CRBN: variants seen among roughly 807,000 people sequenced by gnomAD.
CRBN encodes protein cereblon.
Under a neutral mutation model 62.2 loss-of-function variants are expected in CRBN, and 53 were observed. The observed-to-expected ratio is 0.85, with a 90% CI of 0.68 to 1.07. CRBN has a LOEUF of 1.07. Among genes scored for constraint, CRBN ranks in the 50% least tolerant of loss-of-function variants. CRBN has a pLI of 0.00. For synonymous variants in CRBN, 208 were observed against 176.1 expected, an observed-to-expected ratio of 1.18 and a Z score of -1.43; for missense variants, 616 against 531.1, an observed-to-expected ratio of 1.16 and a Z score of -1.57.
At chr3:3,154,679 A>T (rs780007722) in intron 7 of CRBN, 68 bp downstream of exon 7, 2 of 830,536 alleles carry the variant, frequency 2.4e-6, no homozygotes, top group Non-Finnish European at 4.3e-6. Flanking sequence ...ATTGGATCGC[A>T]TCCATGAAAA....
At chr3:3,164,377 T>G (rs1345710327) in intron 5 of CRBN, among the ~76,000 whole-genome samples, 1 of 152,192 alleles carries the variant, frequency 6.6e-6, no homozygotes, top group Non-Finnish European at 1.5e-5. Context: ...ATTACTGATA[T>G]GGAGAAAGTT....
intron 4 of CRBN, among the ~76,000 whole-genome samples, chr3:3,168,234 A>T (rs1707431580): frequency 6.6e-6 from 1 of 151,874 alleles, no homozygotes; most frequent in Non-Finnish European, 1.5e-5. Flanking sequence ...CATCTAATCT[A>T]AGTAGAGAAA....
chr3:3,160,902 A>G (rs898125391), intron 5 of CRBN, among the ~76,000 whole-genome samples: 2 of 152,240 alleles, frequency 1.3e-5, no homozygotes, highest in African/African-American at 4.8e-5. Context: ...AATATGGACT[A>G]TTCAAAAAGT....
chr3:3,165,837 G>GCT (rs1707306973), intron 5 of CRBN, among the ~76,000 whole-genome samples: 2 of 152,040 alleles, frequency 1.3e-5, no homozygotes, highest in South Asian at 4.2e-4. Context: ...TGACACATAG[G>GCT]GAACAACTTG....
In CRBN at chr3:3,152,449, A is replaced by T. The variant is rs943397070; in HGVS notation, c.1148+7T>A. Reference sequence around the variant, plus strand: ...AAAAAAAAAAGCAACCACCACCATAATATTACCCAGGAAACCAGCTGTGTT... The same window carrying T: ...AAAAAAAAAAGCAACCACCACCATATTATTACCCAGGAAACCAGCTGTGTT... On this transcript the variant is annotated splice_region_variant and intron_variant, in intron 10 of 10. Transcript: ENST00000231948. 8.7e-6 allele frequency: 14 copies of T among 1,613,630 alleles called. No individual in the cohort carries two copies. Among genetic ancestry groups the T allele is most frequent in the Middle Eastern group, 1.6e-4 (1 of 6,082 alleles).
chr3:3,175,365 A>G, intron 1 of CRBN, 96 bp from the exon 2 acceptor site: 1 of 908,640 alleles, frequency 1.1e-6, no homozygotes, highest in East Asian at 2.5e-5. Flanking sequence ...TTCTAAAACC[A>G]CATGCATTTG....
intron 10 of CRBN, among the ~76,000 whole-genome samples, chr3:3,151,312 T>C (rs1706532980): frequency 6.6e-6 from 1 of 152,212 alleles, no homozygotes; most frequent in East Asian, 1.9e-4. Flanking sequence ...TAAGAATTTC[T>C]TTATAGAAAT....
In CRBN at chr3:3,173,947, T is replaced by C. The variant is rs147639480; in HGVS notation, c.377+112A>G. 32 of 926,292 alleles carry C rather than the reference T, an allele frequency of 3.5e-5. No homozygotes were observed. In the African/African-American group the frequency reaches 3.7e-4, roughly 11 times the overall value. The allele number at this position is 926,292 out of a possible 1,614,324, so 57.4% of individuals were successfully genotyped here. A position where few individuals can be genotyped will look rare whatever the true frequency, so the allele number is the denominator to read the frequency against. On this transcript the variant is annotated intron_variant, in intron 3 of 10. Coordinates refer to ENST00000231948, the MANE Select transcript of CRBN (RefSeq NM_016302.4). ...AACCAAATTCCTAACCTCACATTCT[T>C]ACCCAACCTCTCCTGTACATGCGAA...
At chr3:3,162,568 A>T (rs973525341) in intron 5 of CRBN, among the ~76,000 whole-genome samples, 1 of 152,236 alleles carries the variant, frequency 6.6e-6, no homozygotes, top group African/African-American at 2.4e-5. Context: ...TAGATAACAC[A>T]GAACACTTCC....
chr3:3,176,150 C>T (rs1044376430), intron 1 of CRBN, among the ~76,000 whole-genome samples: 5 of 152,074 alleles, frequency 3.3e-5, no homozygotes, highest in African/African-American at 1.2e-4. Flanking sequence ...ATTTAAAATT[C>T]TTCTATATGG....
At position 3,150,842 on chromosome 3, in the gene CRBN, A is replaced by AACTG. The variant is rs777312867; in HGVS notation, c.*22_*23insCAGT. The AACTG allele has an allele frequency of 2.2e-5, 36 of 1,606,200 alleles. No individual in the cohort carries two copies. The highest frequency in any genetic ancestry group is 3.0e-5 in the Non-Finnish European group (35 of 1,174,064). ...TTAGAATATAACCAATTTGTTAGAT[A>AACTG]ACTTTATCTCTATCACATCTGTTTA... On this transcript the variant is annotated 3_prime_UTR_variant, in exon 11 of 11. Coordinates refer to ENST00000231948, the MANE Select transcript of CRBN (RefSeq NM_016302.4).
At chr3:3,157,317 TCA>T (rs992665093) in intron 5 of CRBN, among the ~76,000 whole-genome samples, 1 of 152,224 alleles carries the variant, frequency 6.6e-6, no homozygotes. Context: ...TAAAGAATTA[TCA>T]CATTTTTCTC....
At position 3,152,496 on chromosome 3, in the gene CRBN, G is replaced by C. The variant is rs936055106; in HGVS notation, c.1108C>G (p.Leu370Val). 1 of 1,613,874 alleles carries C rather than the reference G, an allele frequency of 6.2e-7. No individual in the cohort carries two copies. The highest frequency in any genetic ancestry group is 8.5e-7 in the Non-Finnish European group (1 of 1,179,978). ...LTVYKACNLN[L>V]IGRPSTEHSW... ...TGTTCTGTAGAAGGCCGGCCTATCA[G>C]ATTCAAGTTGCAAGCCTTATACACA... The change falls in exon 10 of 11, where the codon CTG (leucine) becomes GTG (valine). Residue 370 changes from leucine to valine, a missense_variant. Physicochemically the swap from Leu to Val is conservative, Grantham distance 32. Transcript: ENST00000231948.
intron 5 of CRBN, among the ~76,000 whole-genome samples, chr3:3,163,063 T>C (rs1263147563): frequency 6.6e-6 from 1 of 152,224 alleles, no homozygotes; most frequent in Admixed American, 6.5e-5. Flanking sequence ...TCCTTTTTGA[T>C]GCACACAGAA....
chr3:3,167,757 A>T lies in CRBN; in HGVS notation c.564T>A (p.Cys188Ter). 6.2e-7 allele frequency: 1 copy of T among 1,613,646 alleles called. No individual in the cohort carries two copies. ...CTGCAGACATGGTTGAAGGCAACAC[A>T]CATTCGGGAAGAATTTGCACTTTAG... is the stretch of plus-strand genomic sequence containing the variant. ...QQAKVQILPECVLPSTMSAVQ... is the reference protein window; with the variant it reads ...QQAKVQILPE The change falls in exon 5 of 11, where the codon TGT becomes TGA. Residue 188 changes from cysteine (C) to a stop codon, truncating the protein, a stop_gained. Coordinates refer to ENST00000231948, the MANE Select transcript of CRBN (RefSeq NM_016302.4). LOFTEE classifies it high-confidence loss of function.
intron 5 of CRBN, among the ~76,000 whole-genome samples, chr3:3,164,863 T>A (rs1707268400): frequency 6.6e-6 from 1 of 152,240 alleles, no homozygotes; most frequent in African/African-American, 2.4e-5. Context: ...TCATAGGCTA[T>A]AGCTGCCACA....
In CRBN at chr3:3,172,623, A is replaced by C; in HGVS notation, c.527+153T>G. On this transcript the variant is annotated intron_variant, in intron 4 of 10. Coordinates refer to ENST00000231948, the MANE Select transcript of CRBN (RefSeq NM_016302.4). ...TCCCAGGTGATTCTGATGCATAGCA[A>C]GGTTGGAAACCACTGGGCTATACCT... 5.4e-6 allele frequency: 4 copies of C among 738,944 alleles called. No homozygotes were observed. The South Asian group carries it at 6.5e-5, about 12-fold the overall frequency. 45.8% of individuals were successfully genotyped at this position (738,944 alleles called of 1,614,324 possible). A position where few individuals can be genotyped will look rare whatever the true frequency, so the allele number is the denominator to read the frequency against.
intron 5 of CRBN, among the ~76,000 whole-genome samples, chr3:3,162,142 A>G (rs549414500): frequency 7.2e-5 from 11 of 152,338 alleles, no homozygotes; most frequent in African/African-American, 2.6e-4. Flanking sequence ...GATGAGACTC[A>G]TTACTTTCTT....
intron 5 of CRBN, among the ~76,000 whole-genome samples, chr3:3,161,498 C>A (rs552731365): frequency 3.9e-5 from 6 of 152,210 alleles, no homozygotes; most frequent in Non-Finnish European, 8.8e-5. Flanking sequence ...CAGTGATTCT[C>A]CTGCCTCAGC....
Sources: allele counts gnomAD v4.1 joint callset (sites outside exome capture counted in the v4.1 genomes callset), GRCh38; gene constraint gnomAD v4.1.1; transcripts MANE v1.5; gene names NCBI Gene and HGNC (gene_info 2026-07-23, HGNC 2026-07-21).